Variants in C16orf96 observed in about 807,000 individuals in gnomAD.
C16orf96 encodes uncharacterized protein C16orf96.
In C16orf96, 108 loss-of-function variants were observed where a neutral mutation model predicts 103.6. That is an observed-to-expected ratio of 1.04 (90% CI 0.89 to 1.22). C16orf96 has a LOEUF of 1.22. Ranked by LOEUF, C16orf96 falls within the 50% of genes most tolerant of loss-of-function variation. C16orf96 has a pLI of 0.00. For synonymous variants in C16orf96, 566 were observed against 593.5 expected, an observed-to-expected ratio of 0.95 and a Z score of 0.67; for missense variants, 1,586 against 1,464.2, an observed-to-expected ratio of 1.08 and a Z score of -1.36.
chr16:4,574,612 C>A, intron 2 of C16orf96, 97 bp from the exon 3 acceptor site: 1 of 942,716 alleles, frequency 1.1e-6, no homozygotes, highest in South Asian at 1.6e-5. Flanking sequence ...GGAACCCGTT[C>A]TTCCTTCTCA....
Position 4,574,939 on chromosome 16 carries a change from T to A in C16orf96, c.607-33T>A, listed in dbSNP as rs138390932. The A allele has an allele frequency of 5.2e-6, 8 of 1,546,136 alleles. No homozygotes were observed. In the East Asian group the frequency reaches 2.0e-4, roughly 38 times the overall value. The stretch of plus-strand genomic sequence containing the variant: ...GTGGGGGACACTGCCCCCTCCAGGC[T>A]CACAGCCCTCATTTTCTACCCCCAC... On this transcript the variant is annotated intron_variant, in intron 3 of 15. Transcript: ENST00000444310.
At chr16:4,583,810 A>G (rs1896848739) in intron 7 of C16orf96, among the ~76,000 whole-genome samples, 1 of 150,742 alleles carries the variant, frequency 6.6e-6, no homozygotes, top group Non-Finnish European at 1.5e-5. Flanking sequence ...CTGTAATCCT[A>G]GTTACTTGGG....
chr16:4,600,481 G>T lies in C16orf96; in HGVS notation c.*164G>T. On this transcript the variant is annotated 3_prime_UTR_variant, in exon 16 of 16. Coordinates refer to ENST00000444310, the MANE Select transcript of C16orf96 (RefSeq NM_001145011.2). ...AGTCCCCTCCATGTCCGAGGCTGAGGCTCATGCGCCCCCCCCCATCCCTAC... is the reference window on the plus strand; with the variant it reads ...AGTCCCCTCCATGTCCGAGGCTGAGTCTCATGCGCCCCCCCCCATCCCTAC... 2 of 407,148 alleles carry T rather than the reference G, an allele frequency of 4.9e-6. No individual in the cohort carries two copies. Among genetic ancestry groups the T allele is most frequent in the Non-Finnish European group, 8.7e-6 (2 of 230,356 alleles). 25.2% of individuals were successfully genotyped at this position (407,148 alleles called of 1,614,324 possible). A position where few individuals can be genotyped will look rare whatever the true frequency, so the allele number is the denominator to read the frequency against.
At chr16:4,538,908 G>A in the C16orf96 span, 1 of 152,334 alleles carries the variant, frequency 6.6e-6, no homozygotes, top group Non-Finnish European at 1.5e-5. Context: ...TAGAGCTGGG[G>A]CTGAGCACGT....
chr16:4,586,909 T>G, intron 7 of C16orf96, 130 bp from the exon 8 acceptor site: 1 of 759,352 alleles, frequency 1.3e-6, no homozygotes, highest in Non-Finnish European at 2.2e-6. Flanking sequence ...GTAACGCCCA[T>G]GCCCACCTGC....
chr16:4,552,292 G>A (rs762584597), upstream of C16orf96, among the ~76,000 whole-genome samples: 1 of 151,980 alleles, frequency 6.6e-6, no homozygotes, highest in Non-Finnish European at 1.5e-5. Flanking sequence ...GACCAGCCTG[G>A]GCAACGTGGT....
chr16:4,563,915 C>G (rs1488222230), intron 1 of C16orf96, among the ~76,000 whole-genome samples: 1 of 151,558 alleles, frequency 6.6e-6, no homozygotes, highest in Non-Finnish European at 1.5e-5. Flanking sequence ...CTAGTGGTAA[C>G]TGCCAGGTGT....
chr16:4,549,079 C>T, the C16orf96 span, among the ~76,000 whole-genome samples: 2 of 151,956 alleles, frequency 1.3e-5, no homozygotes, highest in Non-Finnish European at 2.9e-5. Flanking sequence ...AAAATAAGAC[C>T]CGAGTCTTAT....
intron 1 of C16orf96, among the ~76,000 whole-genome samples, chr16:4,564,061 C>G (rs117306768): frequency 6.6e-6 from 1 of 151,584 alleles, no homozygotes; most frequent in Non-Finnish European, 1.5e-5. Flanking sequence ...AGCTGCTAGT[C>G]GGGAGGCTGA....
chr16:4,588,126 A>G, intron 8 of C16orf96, 41 bp from the exon 9 acceptor site: 3 of 1,536,418 alleles, frequency 2.0e-6, no homozygotes, highest in South Asian at 1.2e-5. Flanking sequence ...GCCTTCCTCC[A>G]TCCCAGCAGC....
At position 4,556,497 on chromosome 16, in the gene C16orf96, TCTCA is replaced by T. The variant is rs1331216609; in HGVS notation, c.14_17del (p.Leu5ArgfsTer16). ...CTGACCCACCCTGGCAGGATGAGCT[TCTCA>T]CTCACGTTCACCGAGCTGGCCAACA... is the stretch of plus-strand genomic sequence containing the variant. On this transcript the variant is annotated frameshift_variant, in exon 1 of 16. Coordinates refer to ENST00000444310, the MANE Select transcript of C16orf96 (RefSeq NM_001145011.2). LOFTEE classifies it high-confidence loss of function. The T allele has an allele frequency of 2.6e-6, 4 of 1,526,830 alleles. No individual in the cohort carries two copies. The highest frequency in any genetic ancestry group is 2.7e-6 in the Non-Finnish European group (3 of 1,129,922). The allele number at this position is 1,526,830 out of a possible 1,614,324, so 94.6% of individuals were successfully genotyped here.
At chr16:4,543,218 A>G in the C16orf96 span, among the ~76,000 whole-genome samples, 2 of 152,158 alleles carry the variant, frequency 1.3e-5, no homozygotes, top group Non-Finnish European at 1.5e-5. Context: ...CCCCAGGTGA[A>G]AGAAGTGGGG....
chr16:4,538,626 G>A, the C16orf96 span: 5 of 152,376 alleles, frequency 3.3e-5, no homozygotes, highest in East Asian at 7.7e-4. Flanking sequence ...CCTGAGGAGA[G>A]CTGGCGCCCA....
intron 7 of C16orf96, among the ~76,000 whole-genome samples, chr16:4,586,239 G>A (rs958583087): frequency 8.5e-5 from 13 of 152,294 alleles, no homozygotes; most frequent in African/African-American, 1.2e-4. Context: ...CAGCCTGGGC[G>A]ACAGAGCAGA....
intron 14 of C16orf96, among the ~76,000 whole-genome samples, chr16:4,598,005 G>A (rs1897209243): frequency 6.6e-6 from 1 of 152,118 alleles, no homozygotes; most frequent in African/African-American, 2.4e-5. Context: ...GCCAGATCTT[G>A]ATCAGTTTGC....
intron 7 of C16orf96, among the ~76,000 whole-genome samples, chr16:4,584,751 C>G (rs1896878542): frequency 6.6e-6 from 1 of 152,102 alleles, no homozygotes; most frequent in African/African-American, 2.4e-5. Flanking sequence ...CCAGGCTGGT[C>G]TTGAACTCCT....
chr16:4,576,739 G>A, intron 5 of C16orf96, 104 bp downstream of exon 5: 4 of 1,127,610 alleles, frequency 3.5e-6, no homozygotes, highest in Non-Finnish European at 2.5e-6. Context: ...AACAAAATCT[G>A]CATTCCACCA....
At chr16:4,592,605 A>G (rs1897085107) in intron 11 of C16orf96, among the ~76,000 whole-genome samples, 1 of 152,178 alleles carries the variant, frequency 6.6e-6, no homozygotes, top group African/African-American at 2.4e-5. Flanking sequence ...ATCCATGTAC[A>G]CTGTTCTGTA....
intron 14 of C16orf96, among the ~76,000 whole-genome samples, chr16:4,597,240 G>A (rs958834718): frequency 2.6e-5 from 4 of 152,262 alleles, no homozygotes; most frequent in East Asian, 1.9e-4. Context: ...CAGGCTGGGC[G>A]TCAGGGATCA....
Sources: gnomAD v4.1 joint callset for allele counts (sites outside exome capture counted in the v4.1 genomes callset) on GRCh38, gnomAD v4.1.1 for gene constraint, MANE v1.5 for transcripts, NCBI Gene and HGNC (gene_info 2026-07-23, HGNC 2026-07-21) for gene names.